Variants in NAV1 observed in about 807,000 individuals in gnomAD.
NAV1 encodes neuron navigator 1, also known as pore membrane and/or filament interacting like protein 3.
NAV1 carries 18 observed loss-of-function variants against 175.2 expected under a neutral mutation model. That is an observed-to-expected ratio of 0.10 (90% CI 0.07 to 0.15). NAV1 has a LOEUF of 0.15. NAV1 is among the 10% of genes least tolerant of loss of function. The pLI is 1.00. For missense variants in NAV1, 1,731 were observed against 2,436.6 expected (o/e 0.71, Z 6.10); for synonymous variants, 897 against 978.7 (o/e 0.92, Z 1.56).
At chr1:201,627,775 T>G (rs12030864) in intron 1 of NAV1, among the ~76,000 whole-genome samples, 16,588 of 152,038 alleles carry the variant, frequency 0.11, 1,085 homozygotes, top group East Asian at 0.19. Context: ...CCATTCTAAT[T>G]TCTTCCAAGA....
upstream of NAV1, among the ~76,000 whole-genome samples, chr1:201,644,051 C>T (rs185511059): frequency 6.6e-6 from 1 of 152,130 alleles, no homozygotes. Context: ...GTCTTTGGGG[C>T]GCTGAGGATT....
Position 201,812,521 on chromosome 1 carries a change from T to G in NAV1, c.5081T>G (p.Leu1694Arg). ...GCCAATGGCTTCCTGGTTCGTTACC[T>G]GAGGAGGAAGCTGGTAGAGTCAGAC... The change falls in exon 27 of 30, where the codon CTG becomes CGG. Residue 1694 changes from leucine (L) to arginine (R), a missense_variant. Transcript: ENST00000367296. The surrounding 1 kb of genome is among the most constrained non-coding windows in gnomAD (Gnocchi z 4.6). 1 of 1,614,166 alleles carries G rather than the reference T, an allele frequency of 6.2e-7. No individual in the cohort carries two copies. Among genetic ancestry groups the G allele is most frequent in the Non-Finnish European group, 8.5e-7 (1 of 1,180,024 alleles).
In NAV1 at chr1:201,718,869, T is replaced by A. The variant is rs1171509114; in HGVS notation, c.1226+114T>A. 2.0e-5 allele frequency: 27 copies of A among 1,328,140 alleles called. No homozygotes were observed. The highest frequency in any genetic ancestry group is 2.6e-5 in the Non-Finnish European group (25 of 959,752). The allele number at this position is 1,328,140 out of a possible 1,614,324, so 82.3% of individuals were successfully genotyped here. A position where few individuals can be genotyped will look rare whatever the true frequency, so the allele number is the denominator to read the frequency against. ...CGGGTTTTGGTTTGCTGTGCTGCTA[T>A]GAAAGTACACAAAAGTGTGCTGTGT... On this transcript the variant is annotated intron_variant, in intron 3 of 29. Transcript: ENST00000367296. This position sits in a 1 kb window ranked among gnomAD's most constrained non-coding sequence, Gnocchi z 4.8.
intron 1 of NAV1, among the ~76,000 whole-genome samples, chr1:201,626,695 C>A (rs1291782565): frequency 6.6e-6 from 1 of 152,246 alleles, no homozygotes; most frequent in Non-Finnish European, 1.5e-5. Flanking sequence ...TACCACCTCC[C>A]TAACCCCCAA....
intron 28 of NAV1, among the ~76,000 whole-genome samples, chr1:201,815,511 A>G (rs1381594774): frequency 6.6e-6 from 1 of 152,186 alleles, no homozygotes; most frequent in African/African-American, 2.4e-5. Context: ...TCTCACTTAT[A>G]CATAGAATCT....
chr1:201,817,343 C>A, intron 29 of NAV1, 58 bp downstream of exon 33: 1 of 1,516,442 alleles, frequency 6.6e-7, no homozygotes, highest in Non-Finnish European at 9.0e-7. Context: ...AATTATTGAC[C>A]AGCAGGGTGG....
At chr1:201,551,436 C>T (rs1665851825) in intron 1 of NAV1, among the ~76,000 whole-genome samples, 1 of 152,080 alleles carries the variant, frequency 6.6e-6, no homozygotes, top group Non-Finnish European at 1.5e-5. Flanking sequence ...GCTATGTTGC[C>T]CAGGCTGGTC....
At chr1:201,639,679 CT>C in intron 2 of NAV1, among the ~76,000 whole-genome samples, 1 of 152,238 alleles carries the variant, frequency 6.6e-6, no homozygotes, top group Non-Finnish European at 1.5e-5. Context: ...CCTCCCACGT[CT>C]GGAACAGGCC....
intron 3 of NAV1, among the ~76,000 whole-genome samples, chr1:201,755,882 G>A (rs1194707327): frequency 1.3e-5 from 2 of 152,096 alleles, no homozygotes; most frequent in African/African-American, 2.4e-5. Context: ...TAAGGTGGGT[G>A]GATCCCAAGG....
intron 2 of NAV1, among the ~76,000 whole-genome samples, chr1:201,597,752 G>A (rs1271136603): frequency 7.9e-5 from 12 of 152,242 alleles, no homozygotes; most frequent in Admixed American, 7.8e-4. Flanking sequence ...GTTCCGCGGG[G>A]AAGATTTCCT....
intron 1 of NAV1, among the ~76,000 whole-genome samples, chr1:201,708,616 T>G (rs56373589): frequency 0.014 from 2,092 of 152,152 alleles, 19 homozygotes; most frequent in Non-Finnish European, 0.023. Flanking sequence ...TGGCTAGAGG[T>G]GGGTTGGACT....
At position 201,810,460 on chromosome 1, in the gene NAV1, T is replaced by G; in HGVS notation, c.4562-63T>G. Reference sequence around the variant, plus strand: ...CCTAGATAAAGAAAGAAAAGCCCTTTAGGATCCCTTGCTATCCTCAAGACC... The same window carrying G: ...CCTAGATAAAGAAAGAAAAGCCCTTGAGGATCCCTTGCTATCCTCAAGACC... On this transcript the variant is annotated intron_variant, in intron 23 of 29. Coordinates refer to ENST00000367296, the Ensembl canonical transcript of NAV1. This position sits in a 1 kb window ranked among gnomAD's most constrained non-coding sequence, Gnocchi z 6.0. 1 of 1,457,428 alleles carries G rather than the reference T, an allele frequency of 6.9e-7. No individual in the cohort carries two copies. Among genetic ancestry groups the G allele is most frequent in the Non-Finnish European group, 9.4e-7 (1 of 1,069,204 alleles). The allele number at this position is 1,457,428 out of a possible 1,614,324, so 90.3% of individuals were successfully genotyped here. A position where few individuals can be genotyped will look rare whatever the true frequency, so the allele number is the denominator to read the frequency against.
At chr1:201,628,291 A>G (rs542762368) in intron 1 of NAV1, among the ~76,000 whole-genome samples, 1 of 152,190 alleles carries the variant, frequency 6.6e-6, no homozygotes, top group East Asian at 1.9e-4. Flanking sequence ...CTGAGATACA[A>G]AAGAGCTCAG....
At chr1:201,630,020 T>C (rs1360946465) in intron 2 of NAV1, among the ~76,000 whole-genome samples, 1 of 152,192 alleles carries the variant, frequency 6.6e-6, no homozygotes, top group East Asian at 1.9e-4. Flanking sequence ...GGAAGATCCC[T>C]AAATTTCAAA....
At position 201,575,233 on chromosome 1, in the gene NAV1, T is replaced by TAG. The variant is rs754919935; in HGVS notation, c.-143-13294_-143-13293dup. Among the ~76,000 whole-genome samples, 5 of 152,146 alleles carry TAG rather than the reference T, an allele frequency of 3.3e-5. No individual in the cohort carries two copies. The East Asian group carries it at 5.8e-4, about 18-fold the overall frequency. On this transcript the variant is annotated intron_variant, in intron 1 of 33. Coordinates refer to the NAV1 transcript ENST00000685211. ...GGGGAGAGGACCAGAGACAGAGACC[T>TAG]AGAGAGAGAGAGATGTGTCTTCTTC...
At chr1:201,793,909 T>TGTTGGGGGGGGGGGGGGGGCCC in intron 14 of NAV1, 34 bp downstream of exon 18, 1 of 516,468 alleles carries the variant, frequency 1.9e-6, no homozygotes, top group Non-Finnish European at 3.9e-6. Flanking sequence ...GAGGGGTGGG[T>TGTTGGGGGGGGGGGGGGGGCCC]GCGGCGAGGG....
At chr1:201,739,674 C>T (rs1008580871) in intron 3 of NAV1, 5 of 644,376 alleles carry the variant, frequency 7.8e-6, no homozygotes, top group Non-Finnish European at 1.0e-5. Context: ...CCCCCAGCCC[C>T]GTCGGCACCT....
At chr1:201,611,598 C>T (rs1667847698) in intron 2 of NAV1, among the ~76,000 whole-genome samples, 1 of 152,184 alleles carries the variant, frequency 6.6e-6, no homozygotes, top group Admixed American at 6.6e-5. Flanking sequence ...CAAGTTACTT[C>T]CTCTCAAGCA....
At chr1:201,628,662 G>A (rs1424997858) in intron 1 of NAV1, among the ~76,000 whole-genome samples, 2 of 152,132 alleles carry the variant, frequency 1.3e-5, no homozygotes, top group Non-Finnish European at 1.5e-5. Context: ...TGGAGACAGC[G>A]GGCGGATGGG....
Sources: allele counts gnomAD v4.1 joint callset (sites outside exome capture counted in the v4.1 genomes callset), GRCh38; gene constraint gnomAD v4.1.1; non-coding constraint Gnocchi (gnomAD v3.1); transcripts MANE v1.5; gene names NCBI Gene and HGNC (gene_info 2026-07-23, HGNC 2026-07-21).